Variants in OR52N4 observed in about 807,000 individuals in gnomAD.
OR52N4 encodes the protein olfactory receptor family 52 subfamily N member 4, also known as olfactory receptor 52N4.
A neutral mutation model predicts 15.0 loss-of-function variants in OR52N4; 15 were observed. The observed-to-expected ratio is 1.00, with a 90% CI of 0.67 to 1.54. The LOEUF (loss-of-function observed/expected upper bound fraction) is 1.54, where lower values mean the gene tolerates loss of function less well. OR52N4 is among the 40% of genes most tolerant of loss of function. The pLI, the probability that OR52N4 is intolerant of heterozygous loss-of-function variation, is 0.00. For synonymous variants in OR52N4, 143 were observed against 143.7 expected (o/e 1.00, Z 0.03); for missense variants, 421 against 394.0 (o/e 1.07, Z -0.58).
At chr11:5,735,404 TAA>T in the OR52N4 span, among the ~76,000 whole-genome samples, 1 of 151,998 alleles carries the variant, frequency 6.6e-6, no homozygotes, top group South Asian at 2.1e-4. Flanking sequence ...ATTGTAATAA[TAA>T]AGTATTGTAT....
At chr11:5,753,638 G>C (rs916273433), upstream of OR52N4, among the ~76,000 whole-genome samples, 11 of 152,068 alleles carry the variant, frequency 7.2e-5, no homozygotes, top group Non-Finnish European at 1.0e-4. Context: ...TGGGCACATA[G>C]TAGGTGTATA....
At chr11:5,737,540 A>T in the OR52N4 span, 1 of 1,523,336 alleles carries the variant, frequency 6.6e-7, no homozygotes. Flanking sequence ...TAAACTGGAT[A>T]GTAAAATTTC....
chr11:5,753,756 C>G (rs919111288), upstream of OR52N4, among the ~76,000 whole-genome samples: 1 of 151,850 alleles, frequency 6.6e-6, no homozygotes, highest in African/African-American at 2.4e-5. Context: ...ACTTTGGGAG[C>G]CTGATGTGGG....
At chr11:5,753,833 A>C (rs960718925), upstream of OR52N4, among the ~76,000 whole-genome samples, 9 of 151,972 alleles carry the variant, frequency 5.9e-5, no homozygotes, top group African/African-American at 2.2e-4. Flanking sequence ...TCTCTGCTAA[A>C]AATACAAAAA....
chr11:5,755,035 T>C lies in OR52N4; in HGVS notation c.295T>C (p.Cys99Arg). ...TCTCAAGGACATTGGATTTGATGAATGCCTTGTCCAGATGTTCTTCACCCA... is the reference window on the plus strand; with the variant it reads ...TCTCAAGGACATTGGATTTGATGAACGCCTTGTCCAGATGTTCTTCACCCA... ...FHLKDIGFDE[C>R]LVQMFFTHTF... Residue 99 changes from cysteine (C) to arginine (R), a missense_variant, in exon 2 of 2, where the codon TGC (cysteine) becomes CGC (arginine). Physicochemically the swap from Cys to Arg is radical, Grantham distance 180 (BLOSUM62 -3). Transcript: ENST00000641350. The C allele has an allele frequency of 1.2e-6, 2 of 1,614,042 alleles. No homozygotes were observed. Among genetic ancestry groups the C allele is most frequent in the Non-Finnish European group, 8.5e-7 (1 of 1,179,970 alleles).
Position 5,755,341 on chromosome 11 carries a change from G to A in OR52N4, c.601G>A (p.Gly201Ser), listed in dbSNP as rs1854286505. 6.2e-7 allele frequency: 1 copy of A among 1,613,930 alleles called. No individual in the cohort carries two copies. The highest frequency in any genetic ancestry group is 1.3e-5 in the African/African-American group (1 of 74,902). The change falls in exon 2 of 2, where the codon GGT (glycine) becomes AGT (serine). Residue 201 changes from glycine (G) to serine (S), a missense_variant. Transcript: ENST00000641350. Reference sequence around the variant, plus strand: ...TAATGTCAAGGTCAATGCCATCTATGGTCTGATGGTTGCCCTCCTGATTTG... The same window carrying A: ...TAATGTCAAGGTCAATGCCATCTATAGTCTGATGGTTGCCCTCCTGATTTG... ...CGNVKVNAIY[G>S]LMVALLIWGF... is the part of the protein sequence containing the mutation.
the OR52N4 span, chr11:5,737,338 G>A: frequency 1.2e-6 from 2 of 1,614,078 alleles, no homozygotes; most frequent in South Asian, 1.1e-5. Flanking sequence ...ATCTGACAGA[G>A]ATGAAGGCTA....
the OR52N4 span, chr11:5,734,242 G>C: frequency 6.6e-6 from 3 of 454,846 alleles, no homozygotes; most frequent in Non-Finnish European, 1.3e-5. Flanking sequence ...CAAGGTAAGT[G>C]ATAAAATCTT....
upstream of OR52N4, among the ~76,000 whole-genome samples, chr11:5,750,524 A>G (rs576337495): frequency 9.9e-5 from 15 of 152,140 alleles, no homozygotes; most frequent in Non-Finnish European, 1.6e-4. Flanking sequence ...TGGAGAAAAG[A>G]ATCGTGACAC....
the OR52N4 span, among the ~76,000 whole-genome samples, chr11:5,739,325 G>T: frequency 3.9e-5 from 5 of 127,028 alleles, 1 homozygote; most frequent in Admixed American, 3.0e-4. Flanking sequence ...AAAGTAGGAG[G>T]ATCACTTGAG....
chr11:5,731,307 T>C, the OR52N4 span, among the ~76,000 whole-genome samples: 1 of 152,216 alleles, frequency 6.6e-6, no homozygotes, highest in African/African-American at 2.4e-5. Flanking sequence ...TTCTCATTCA[T>C]TGTAAATGAG....
the OR52N4 span, among the ~76,000 whole-genome samples, chr11:5,746,996 C>T: frequency 7.0e-6 from 1 of 142,972 alleles, no homozygotes; most frequent in African/African-American, 2.6e-5. Context: ...CTTTGGGAGG[C>T]CAAGATGGGC....
At chr11:5,734,362 C>T in the OR52N4 span, 1 of 343,606 alleles carries the variant, frequency 2.9e-6, no homozygotes, top group Non-Finnish European at 5.7e-6. Context: ...GTTTTAGTAG[C>T]ATATAGAGGA....
chr11:5,734,303 C>T, the OR52N4 span: 2 of 425,328 alleles, frequency 4.7e-6, no homozygotes, highest in Middle Eastern at 3.4e-4. Context: ...TTATCCTAAA[C>T]ATTATGTTGT....
At chr11:5,745,521 A>G in the OR52N4 span, among the ~76,000 whole-genome samples, 6 of 152,314 alleles carry the variant, frequency 3.9e-5, no homozygotes, top group African/African-American at 1.4e-4. Context: ...AAGGAGAACT[A>G]TGATACACTG....
At chr11:5,742,549 A>T in the OR52N4 span, among the ~76,000 whole-genome samples, 1 of 152,196 alleles carries the variant, frequency 6.6e-6, no homozygotes, top group Non-Finnish European at 1.5e-5. Flanking sequence ...TACAAGCCAG[A>T]AGGGACTGGG....
chr11:5,739,150 CTT>C, the OR52N4 span, among the ~76,000 whole-genome samples: 105,755 of 121,238 alleles, frequency 0.87, 49,626 homozygotes, highest in Non-Finnish European at 0.99. Context: ...CATAAGACTA[CTT>C]TTTTTTTTTT....
the OR52N4 span, among the ~76,000 whole-genome samples, chr11:5,728,754 A>AT: frequency 6.6e-6 from 1 of 152,212 alleles, no homozygotes; most frequent in East Asian, 1.9e-4. Context: ...ATATGTTGGG[A>AT]TAAACAGTGC....
chr11:5,744,926 C>A, the OR52N4 span, among the ~76,000 whole-genome samples: 1 of 151,868 alleles, frequency 6.6e-6, no homozygotes, highest in Non-Finnish European at 1.5e-5. Context: ...ATCTCAAAAA[C>A]AAACAAACAA....
Sources: gnomAD v4.1 joint callset for allele counts (sites outside exome capture counted in the v4.1 genomes callset) on GRCh38, gnomAD v4.1.1 for gene constraint, MANE v1.5 for transcripts, NCBI Gene and HGNC (gene_info 2026-07-23, HGNC 2026-07-21) for gene names.